Variants in CDC27 observed in about 807,000 individuals in gnomAD.
CDC27 encodes cell division cycle protein 27 homolog.
A neutral mutation model predicts 109.7 loss-of-function variants in CDC27; 27 were observed. The ratio of observed to expected loss-of-function variants is 0.25; its 90% CI spans 0.18 to 0.34. The LOEUF is 0.34. CDC27 is among the 10% of genes least tolerant of loss of function. CDC27 has a pLI of 1.00. For missense variants in CDC27, 579 were observed against 960.2 expected (o/e 0.60, Z 5.25); for synonymous variants, 266 against 333.9 (o/e 0.80, Z 2.22).
intron 9 of CDC27, among the ~76,000 whole-genome samples, chr17:47,148,152 T>C (rs560814743): frequency 4.6e-4 from 69 of 150,778 alleles, no homozygotes; most frequent in African/African-American, 1.7e-3. Flanking sequence ...GTGAGCCAGA[T>C]TGTGCCACTG....
chr17:47,187,458 G>A (rs868173526), intron 1 of CDC27, among the ~76,000 whole-genome samples: 7 of 151,778 alleles, frequency 4.6e-5, no homozygotes, highest in Non-Finnish European at 5.9e-5. Flanking sequence ...CCACCACCAC[G>A]CCTGGCTAAT....
intron 16 of CDC27, among the ~76,000 whole-genome samples, chr17:47,127,316 G>A (rs190521918): frequency 2.6e-4 from 39 of 152,094 alleles, no homozygotes; most frequent in African/African-American, 7.7e-4. Context: ...ATAGAAACCC[G>A]TGTCTTCATA....
intron 3 of CDC27, among the ~76,000 whole-genome samples, chr17:47,171,275 G>A (rs1004838417): frequency 6.6e-6 from 1 of 152,172 alleles, no homozygotes; most frequent in African/African-American, 2.4e-5. Context: ...AGATAATATA[G>A]TTATTGATCA....
At chr17:47,141,058 T>C (rs11570528) in intron 12 of CDC27, among the ~76,000 whole-genome samples, 2,789 of 152,302 alleles carry the variant, frequency 0.018, 40 homozygotes, top group Middle Eastern at 0.075. Context: ...GTTGCTAGAA[T>C]GTAAGCTCCA....
intron 18 of CDC27, among the ~76,000 whole-genome samples, chr17:47,121,703 G>A (rs1292400320): frequency 6.6e-6 from 1 of 150,912 alleles, no homozygotes; most frequent in Admixed American, 6.6e-5. Context: ...GAGTAGCTGC[G>A]ATTACATACG....
intron 1 of CDC27, chr17:47,188,788 A>G (rs2064551940): frequency 5.2e-6 from 6 of 1,155,194 alleles, no homozygotes; most frequent in Non-Finnish European, 6.4e-6. Context: ...GTGCTTCTCG[A>G]TCATCTTTTA....
intron 4 of CDC27, 58 bp downstream of exon 4, chr17:47,169,859 C>T: frequency 7.0e-7 from 1 of 1,437,014 alleles, no homozygotes. Context: ...GTTTTTTAAA[C>T]TATAAAACAT....
rs1365900515 is a variant in CDC27 at position 47,129,409 on chromosome 17, G to A, written c.2144C>T (p.Ala715Val). 1 of 1,610,452 alleles carries A rather than the reference G, an allele frequency of 6.2e-7. No individual in the cohort carries two copies. The highest frequency in any genetic ancestry group is 8.5e-7 in the Non-Finnish European group (1 of 1,177,608). Reference protein sequence around the residue: ...CKFHRASVLFANEKYKSALQE... With the variant: ...CKFHRASVLFVNEKYKSALQE... Reference sequence around the variant, plus strand: ...TTATCTTACCTTATATTTTTCATTTGCAAATAAAACTGAGGCTCTGTGAAA... The same window carrying A: ...TTATCTTACCTTATATTTTTCATTTACAAATAAAACTGAGGCTCTGTGAAA... The change falls in exon 16 of 19, where the codon GCA becomes GTA. Residue 715 changes from alanine to valine, a missense_variant. Ala to Val is a moderately conservative substitution (Grantham distance 64). Transcript: ENST00000066544.
At chr17:47,176,608 CTG>C (rs1279772363) in intron 2 of CDC27, among the ~76,000 whole-genome samples, 8 of 152,092 alleles carry the variant, frequency 5.3e-5, no homozygotes, top group Admixed American at 3.9e-4. Context: ...GCTTTGTAAA[CTG>C]TGTAAAGATT....
rs778228926 is a variant in CDC27, at chr17:47,142,283, T to C, written c.1324A>G (p.Ile442Val). Residue 442 changes from isoleucine (I) to valine (V), a missense_variant, in exon 11 of 19, where the codon ATA (isoleucine) becomes GTA (valine). Physicochemically the swap from Ile to Val is conservative, Grantham distance 29 (BLOSUM62 3). Coordinates refer to ENST00000066544, the MANE Select transcript of CDC27 (RefSeq NM_001256.6). ...LDSSIISEGK[I>V]STITPQIQAF... ...TGAATCTGAGGTGTGATTGTGGATA[T>C]TTTCCCTTCTGAAATGATGGAAGAG... 10 of 1,605,492 alleles carry C rather than the reference T, an allele frequency of 6.2e-6. No homozygotes were observed. Among genetic ancestry groups the C allele is most frequent in the Non-Finnish European group, 8.5e-6 (10 of 1,174,082 alleles).
intron 16 of CDC27, among the ~76,000 whole-genome samples, chr17:47,127,273 G>C (rs1296633509): frequency 1.3e-5 from 2 of 151,962 alleles, no homozygotes; most frequent in Non-Finnish European, 2.9e-5. Context: ...ACTAAAGAAA[G>C]ACAAGCTTTT....
chr17:47,163,994 C>G (rs2063570049), intron 4 of CDC27, among the ~76,000 whole-genome samples: 1 of 152,162 alleles, frequency 6.6e-6, no homozygotes. Context: ...GAACTCTTGA[C>G]CTCAGGTGAT....
intron 14 of CDC27, among the ~76,000 whole-genome samples, chr17:47,135,865 G>A (rs976781167): frequency 5.3e-5 from 8 of 152,138 alleles, no homozygotes; most frequent in African/African-American, 7.2e-5. Flanking sequence ...GTTCCTGGCC[G>A]GGTATGGTGG....
intron 4 of CDC27, among the ~76,000 whole-genome samples, chr17:47,164,494 T>A (rs1207318746): frequency 6.6e-6 from 1 of 152,178 alleles, no homozygotes; most frequent in Non-Finnish European, 1.5e-5. Context: ...AGTACAGTTA[T>A]CAAAACTAGG....
At chr17:47,172,513 A>G (rs1288330153) in intron 2 of CDC27, among the ~76,000 whole-genome samples, 1 of 152,218 alleles carries the variant, frequency 6.6e-6, no homozygotes, top group Non-Finnish European at 1.5e-5. Context: ...TATTTTAAAA[A>G]GACCAGATTG....
intron 9 of CDC27, among the ~76,000 whole-genome samples, chr17:47,144,532 T>G (rs1220360989): frequency 6.6e-6 from 1 of 152,206 alleles, no homozygotes; most frequent in Non-Finnish European, 1.5e-5. Flanking sequence ...CTACTAATAT[T>G]TGAGAAGTTA....
In CDC27 at chr17:47,119,605, A is replaced by G. The variant is rs958099944; in HGVS notation, c.*1330T>C. On this transcript the variant is annotated 3_prime_UTR_variant, in exon 19 of 19. Coordinates refer to ENST00000066544, the MANE Select transcript of CDC27 (RefSeq NM_001256.6). ...AAATGTTAACAACTAAAATTTCTCT[A>G]AAAATTTCAATACATTACAGTAAAG... 4 of 152,336 alleles carry G rather than the reference A, an allele frequency of 2.6e-5. No individual in the cohort carries two copies. The highest frequency in any genetic ancestry group is 7.2e-5 in the African/African-American group (3 of 41,578). 9.4% of individuals were successfully genotyped at this position (152,336 alleles called of 1,614,324 possible). A position where few individuals can be genotyped will look rare whatever the true frequency, so the allele number is the denominator to read the frequency against.
chr17:47,159,172 T>C (rs2063413258), intron 4 of CDC27: 1 of 395,770 alleles, frequency 2.5e-6, no homozygotes, highest in African/African-American at 2.0e-5. Flanking sequence ...ATTCACTTTA[T>C]TTTTCTTGTG....
intron 7 of CDC27, chr17:47,156,679 C>G (rs1215179314): frequency 6.7e-6 from 2 of 296,948 alleles, no homozygotes; most frequent in East Asian, 1.2e-4. Flanking sequence ...AACTCCTGAC[C>G]TCAGGTGATC....
Sources: gnomAD v4.1 joint callset for allele counts (sites outside exome capture counted in the v4.1 genomes callset) on GRCh38, gnomAD v4.1.1 for gene constraint, MANE v1.5 for transcripts, NCBI Gene and HGNC (gene_info 2026-07-23, HGNC 2026-07-21) for gene names.